Variants in CAMKMT observed in about 807,000 individuals in gnomAD.
CAMKMT encodes calmodulin-lysine N-methyltransferase.
Under a neutral mutation model 48.0 loss-of-function variants are expected in CAMKMT, and 53 were observed. The ratio of observed to expected loss-of-function variants is 1.10; its 90% CI spans 0.89 to 1.39. The LOEUF (loss-of-function observed/expected upper bound fraction) is 1.39, where lower values mean the gene tolerates loss of function less well. Ranked by LOEUF, CAMKMT falls within the 40% of genes most tolerant of loss-of-function variation. CAMKMT has a pLI of 0.00. For synonymous variants in CAMKMT, 165 were observed against 152.3 expected (o/e 1.08, Z -0.61); for missense variants, 428 against 402.7 (o/e 1.06, Z -0.54).
At chr2:44,535,336 A>C (rs1666712872) in intron 3 of CAMKMT, among the ~76,000 whole-genome samples, 2 of 152,162 alleles carry the variant, frequency 1.3e-5, no homozygotes, top group Admixed American at 1.3e-4. Flanking sequence ...CTCACTCCTC[A>C]AACCATTCCA....
chr2:44,654,529 G>A (rs1209843033), intron 3 of CAMKMT, among the ~76,000 whole-genome samples: 1 of 151,668 alleles, frequency 6.6e-6, no homozygotes, highest in Admixed American at 6.6e-5. Context: ...TTGTTTTTTT[G>A]TGAAACAGAG....
At chr2:44,696,459 G>A (rs1390442117) in intron 3 of CAMKMT, among the ~76,000 whole-genome samples, 1 of 152,164 alleles carries the variant, frequency 6.6e-6, no homozygotes, top group Non-Finnish European at 1.5e-5. Flanking sequence ...TTGATTGAAA[G>A]TTGTTTAAGA....
intron 3 of CAMKMT, among the ~76,000 whole-genome samples, chr2:44,587,997 G>A (rs1286104793): frequency 8.7e-5 from 12 of 137,460 alleles, no homozygotes; most frequent in Non-Finnish European, 1.3e-4. Context: ...AGTGAGGAGC[G>A]TCTCTGCCCG....
rs1421093749 is a variant in CAMKMT at position 44,721,189 on chromosome 2, A to T, written c.623+5836A>T. On this transcript the variant is annotated intron_variant, in intron 7 of 10. Coordinates refer to ENST00000378494, the MANE Select transcript of CAMKMT (RefSeq NM_024766.5). ...AAAATATCCACCATGATTATTAAAT[A>T]ATAGGCATCTTTGAGTCTGACTTTG... Among the ~76,000 whole-genome samples the T allele has an allele frequency of 2.0e-5, 3 of 152,260 alleles. No individual in the cohort carries two copies. The East Asian group carries it at 5.8e-4, about 29-fold the overall frequency.
intron 3 of CAMKMT, among the ~76,000 whole-genome samples, chr2:44,517,665 C>G (rs907957260): frequency 6.6e-6 from 1 of 152,098 alleles, no homozygotes; most frequent in African/African-American, 2.4e-5. Context: ...CGGCAGTATC[C>G]TCAAGTTACA....
At chr2:44,385,403 G>T (rs1395684884) in intron 2 of CAMKMT, among the ~76,000 whole-genome samples, 1 of 152,068 alleles carries the variant, frequency 6.6e-6, no homozygotes, top group African/African-American at 2.4e-5. Context: ...GGGTTGTCGA[G>T]GTAAACAATC....
intron 3 of CAMKMT, among the ~76,000 whole-genome samples, chr2:44,435,210 A>G (rs1666151233): frequency 6.6e-6 from 1 of 152,196 alleles, no homozygotes; most frequent in South Asian, 2.1e-4. Context: ...ACCATTTAGT[A>G]TGTAAATTAG....
In CAMKMT at chr2:44,538,658, A is replaced by G. The variant is rs80346931; in HGVS notation, c.376+148353A>G. On this transcript the variant is annotated intron_variant, in intron 3 of 10. Transcript: ENST00000378494. ...GTGGGGGTGATAGATAAAAGACTGCATATTGGCCACAATATATACTGCTAG... is the reference window on the plus strand; with the variant it reads ...GTGGGGGTGATAGATAAAAGACTGCGTATTGGCCACAATATATACTGCTAG... 3.3e-5 allele frequency among the ~76,000 whole-genome samples: 5 copies of G among 152,262 alleles called. No individual in the cohort carries two copies. The South Asian group carries it at 8.3e-4, about 25-fold the overall frequency.
intron 6 of CAMKMT, among the ~76,000 whole-genome samples, chr2:44,709,322 G>C (rs1439357966): frequency 6.6e-6 from 1 of 152,154 alleles, no homozygotes; most frequent in African/African-American, 2.4e-5. Context: ...TTACAAAGTA[G>C]ATAAAGTAGG....
chr2:44,425,236 C>T (rs182248501), intron 3 of CAMKMT, among the ~76,000 whole-genome samples: 21 of 152,148 alleles, frequency 1.4e-4, no homozygotes, highest in African/African-American at 4.3e-4. Context: ...ATGAATAAAA[C>T]ATTATCTTAT....
chr2:44,721,823 T>A (rs1678474070), intron 7 of CAMKMT, among the ~76,000 whole-genome samples: 1 of 148,956 alleles, frequency 6.7e-6, no homozygotes, highest in South Asian at 2.1e-4. Flanking sequence ...ACCCCATCTA[T>A]TGAAAAGAAA....
chr2:44,597,800 G>A (rs542735703), intron 3 of CAMKMT, among the ~76,000 whole-genome samples: 19 of 151,984 alleles, frequency 1.3e-4, no homozygotes, highest in Admixed American at 3.9e-4. Context: ...GCAGTGGTGC[G>A]ATCTCAGCTC....
At chr2:44,621,061 G>T (rs1017627827) in intron 3 of CAMKMT, among the ~76,000 whole-genome samples, 1 of 152,146 alleles carries the variant, frequency 6.6e-6, no homozygotes, top group African/African-American at 2.4e-5. Flanking sequence ...GAGGTCAGGA[G>T]ACAGAGACCA....
chr2:44,396,108 A>G (rs760958185), intron 3 of CAMKMT, among the ~76,000 whole-genome samples: 4 of 152,130 alleles, frequency 2.6e-5, no homozygotes, highest in African/African-American at 9.7e-5. Context: ...CCTATATACT[A>G]TATGCCAAAA....
intron 3 of CAMKMT, among the ~76,000 whole-genome samples, chr2:44,578,011 C>G (rs1669328930): frequency 6.6e-6 from 1 of 152,160 alleles, no homozygotes; most frequent in African/African-American, 2.4e-5. Context: ...AGACTTCACT[C>G]TCTTGTGAAG....
chr2:44,626,634 G>C (rs576204351), intron 3 of CAMKMT, among the ~76,000 whole-genome samples: 2 of 152,252 alleles, frequency 1.3e-5, no homozygotes, highest in South Asian at 4.2e-4. Context: ...GAAGGGGCTA[G>C]CTAGCTCTTT....
intron 3 of CAMKMT, among the ~76,000 whole-genome samples, chr2:44,497,709 A>AAG (rs70937918): frequency 0.059 from 8,202 of 138,848 alleles, 478 homozygotes; most frequent in East Asian, 0.33. Flanking sequence ...TAAGCAGGCA[A>AAG]AGAGAGAGAG....
chr2:44,419,896 G>GTT (rs1400846613), intron 3 of CAMKMT, among the ~76,000 whole-genome samples: 1 of 151,996 alleles, frequency 6.6e-6, no homozygotes, highest in Non-Finnish European at 1.5e-5. Flanking sequence ...TTCTTCTGTG[G>GTT]TTGCTAATAT....
chr2:44,720,843 A>T (rs924219582), intron 7 of CAMKMT, among the ~76,000 whole-genome samples: 1 of 152,190 alleles, frequency 6.6e-6, no homozygotes, highest in African/African-American at 2.4e-5. Flanking sequence ...TCTATGCAAG[A>T]ACAGGTATTC....
Sources: allele counts gnomAD v4.1 joint callset (sites outside exome capture counted in the v4.1 genomes callset), GRCh38; gene constraint gnomAD v4.1.1; transcripts MANE v1.5; gene names NCBI Gene and HGNC (gene_info 2026-07-23, HGNC 2026-07-21).